EYS: variants seen among roughly 807,000 people sequenced by gnomAD.
EYS encodes EGF-like photoreceptor maintenance factor, also known as protein eyes shut homolog.
Under a neutral mutation model 282.1 loss-of-function variants are expected in EYS, and 250 were observed. That is an observed-to-expected ratio of 0.89 (90% CI 0.80 to 0.98). EYS has a LOEUF of 0.98. EYS is among the 50% of genes least tolerant of loss of function. The pLI is 0.00. For synonymous variants in EYS, 1,355 were observed against 1,282.9 expected (o/e 1.06, Z -1.20); for missense variants, 4,016 against 3,709.0 (o/e 1.08, Z -2.15).
At chr6:64,600,178 C>T (rs1241162188) in intron 24 of EYS, among the ~76,000 whole-genome samples, 2 of 151,996 alleles carry the variant, frequency 1.3e-5, no homozygotes, top group Non-Finnish European at 2.9e-5. Flanking sequence ...GGTTTCATGC[C>T]ATTGCTGACC....
intron 12 of EYS, among the ~76,000 whole-genome samples, chr6:65,287,686 A>G (rs1445473042): frequency 6.6e-6 from 1 of 151,388 alleles, no homozygotes; most frequent in African/African-American, 2.4e-5. Flanking sequence ...TCTAATTATA[A>G]TAACACACAC....
chr6:65,512,037 T>C (rs1158807213), intron 2 of EYS, among the ~76,000 whole-genome samples: 1 of 147,386 alleles, frequency 6.8e-6, no homozygotes, highest in Non-Finnish European at 1.5e-5. Flanking sequence ...ATAACTTGTA[T>C]ATGATAAATT....
chr6:64,192,815 A>G (rs1178316000), intron 31 of EYS, among the ~76,000 whole-genome samples: 1 of 152,144 alleles, frequency 6.6e-6, no homozygotes, highest in African/African-American at 2.4e-5. Flanking sequence ...CATAATGGAG[A>G]GGTACAAGTT....
intron 40 of EYS, among the ~76,000 whole-genome samples, chr6:63,767,734 C>A (rs1769830569): frequency 6.6e-6 from 1 of 151,876 alleles, no homozygotes; most frequent in Non-Finnish European, 1.5e-5. Flanking sequence ...TTCTAAAATT[C>A]ATATGGAAAC....
chr6:65,616,066 A>G (rs1353631055), intron 2 of EYS, among the ~76,000 whole-genome samples: 1 of 126,836 alleles, frequency 7.9e-6, no homozygotes, highest in African/African-American at 2.4e-5. Flanking sequence ...ATCAAGCATT[A>G]AACATTTACT....
At chr6:64,720,397 T>A (rs182972321) in intron 22 of EYS, among the ~76,000 whole-genome samples, 1 of 152,306 alleles carries the variant, frequency 6.6e-6, no homozygotes, top group East Asian at 1.9e-4. Context: ...CTTAAGTAAA[T>A]TTCCCTGTGC....
At position 65,628,698 on chromosome 6, in the gene EYS, G is replaced by A. The variant is rs183780834; in HGVS notation, c.-333+11080C>T. Among the ~76,000 whole-genome samples, 47 of 152,024 alleles carry A rather than the reference G, an allele frequency of 3.1e-4. No individual in the cohort carries two copies. The East Asian group carries it at 4.7e-3, about 15-fold the overall frequency. On this transcript the variant is annotated intron_variant, in intron 2 of 42. Coordinates refer to ENST00000503581, the MANE Select transcript of EYS (RefSeq NM_001142800.2). ...CGCGAAGGTCTGCAGCTTCACTCCT[G>A]AGCCAGCAAGACCACGAACCCACCA...
chr6:65,288,948 A>G (rs1367495002), intron 12 of EYS, among the ~76,000 whole-genome samples: 1 of 151,072 alleles, frequency 6.6e-6, no homozygotes, highest in African/African-American at 2.4e-5. Flanking sequence ...TGTTAATATC[A>G]ATAAAGGGGA....
chr6:64,735,713 T>C (rs1008919830), intron 22 of EYS, among the ~76,000 whole-genome samples: 18 of 152,318 alleles, frequency 1.2e-4, no homozygotes, highest in African/African-American at 2.9e-4. Context: ...ATTGTTACAA[T>C]TGATGGATAG....
At chr6:64,374,379 A>G (rs1772496951) in intron 29 of EYS, among the ~76,000 whole-genome samples, 1 of 147,886 alleles carries the variant, frequency 6.8e-6, no homozygotes, top group African/African-American at 2.5e-5. Context: ...ATAACATCCA[A>G]GTGGTTCTCT....
intron 1 of EYS, among the ~76,000 whole-genome samples, chr6:65,686,670 T>A (rs1189809585): frequency 6.6e-6 from 1 of 152,150 alleles, no homozygotes; most frequent in African/African-American, 2.4e-5. Context: ...TAAGGAATTC[T>A]TATTTATCCC....
At chr6:65,539,558 A>T (rs556464035) in intron 2 of EYS, among the ~76,000 whole-genome samples, 1 of 152,302 alleles carries the variant, frequency 6.6e-6, no homozygotes, top group East Asian at 1.9e-4. Flanking sequence ...TAATACTCCG[A>T]ATCACCATGC....
At chr6:63,842,712 T>C (rs904202508) in intron 36 of EYS, among the ~76,000 whole-genome samples, 3 of 152,170 alleles carry the variant, frequency 2.0e-5, no homozygotes, top group Admixed American at 6.6e-5. Flanking sequence ...TATGCCTAGG[T>C]TTTCTTCTAG....
At chr6:64,792,144 C>T (rs966863718) in intron 22 of EYS, among the ~76,000 whole-genome samples, 2 of 151,746 alleles carry the variant, frequency 1.3e-5, no homozygotes, top group South Asian at 2.1e-4. Flanking sequence ...CTTTATTCAT[C>T]CATTATGGTA....
intron 36 of EYS, among the ~76,000 whole-genome samples, chr6:63,849,759 T>C (rs1487952702): frequency 6.6e-6 from 1 of 152,152 alleles, no homozygotes; most frequent in Non-Finnish European, 1.5e-5. Context: ...AAAACCAGAA[T>C]GCCTCTTCTC....
intron 11 of EYS, chr6:65,331,849 G>T: frequency 2.4e-6 from 1 of 418,324 alleles, no homozygotes; most frequent in Non-Finnish European, 3.2e-6. Flanking sequence ...TTTGTCTATT[G>T]CTGAATAACA....
intron 41 of EYS, among the ~76,000 whole-genome samples, chr6:63,753,140 G>GTATATATATATA (rs33925107): frequency 3.7e-5 from 5 of 136,036 alleles, no homozygotes; most frequent in Admixed American, 1.5e-4. Context: ...GTGTGTGTGT[G>GTATATATATATA]TATATATATA....
chr6:64,230,096 A>G (rs1582457281), intron 31 of EYS, among the ~76,000 whole-genome samples: 1 of 152,162 alleles, frequency 6.6e-6, no homozygotes, highest in African/African-American at 2.4e-5. Flanking sequence ...AGGAGAATAT[A>G]TTTTTTTCAT....
At chr6:64,711,032 T>C (rs1771196038) in intron 22 of EYS, among the ~76,000 whole-genome samples, 1 of 152,176 alleles carries the variant, frequency 6.6e-6, no homozygotes, top group Non-Finnish European at 1.5e-5. Context: ...AAGACAGAGC[T>C]ACGGAGATTT....
Sources: allele counts gnomAD v4.1 joint callset (sites outside exome capture counted in the v4.1 genomes callset), GRCh38; gene constraint gnomAD v4.1.1; transcripts MANE v1.5; gene names NCBI Gene and HGNC (gene_info 2026-07-23, HGNC 2026-07-21).